Variants in EEFSEC observed in about 807,000 individuals in gnomAD.
The protein encoded by EEFSEC is selenocysteine-specific elongation factor.
In EEFSEC, 43 loss-of-function variants were observed where a neutral mutation model predicts 42.1. The ratio of observed to expected loss-of-function variants is 1.02; its 90% CI spans 0.80 to 1.32. The LOEUF is 1.32. Among genes scored for constraint, EEFSEC ranks in the 40% most tolerant of loss-of-function variants. The pLI, the probability that EEFSEC is intolerant of heterozygous loss-of-function variation, is 0.00. For missense variants in EEFSEC, 745 were observed against 803.6 expected (o/e 0.93, Z 0.88); for synonymous variants, 354 against 339.1 (o/e 1.04, Z -0.48).
chr3:128,240,129 C>T (rs1553745773), intron 1 of EEFSEC, among the ~76,000 whole-genome samples: 1 of 152,226 alleles, frequency 6.6e-6, no homozygotes, highest in Non-Finnish European at 1.5e-5. Context: ...TGACCGCCCT[C>T]CTTCTCTCCT....
Position 128,358,201 on chromosome 3 carries a change from G to C in EEFSEC, c.1444-16G>C, listed in dbSNP as rs1464103967. 4 of 1,612,760 alleles carry C rather than the reference G, an allele frequency of 2.5e-6. No individual in the cohort carries two copies. In the South Asian group the frequency reaches 4.4e-5, roughly 18 times the overall value. On this transcript the variant is annotated splice_polypyrimidine_tract_variant and intron_variant, in intron 5 of 6. Coordinates refer to ENST00000254730, the MANE Select transcript of EEFSEC (RefSeq NM_021937.5). Reference sequence around the variant, plus strand: ...CCACTAATGCCCTCTCTCTGTGGCTGGGTGTGTGGGGACAGGCGATGGATG... The same window carrying C: ...CCACTAATGCCCTCTCTCTGTGGCTCGGTGTGTGGGGACAGGCGATGGATG...
intron 4 of EEFSEC, among the ~76,000 whole-genome samples, chr3:128,285,449 G>T (rs1437911607): frequency 3.9e-5 from 6 of 152,284 alleles, no homozygotes; most frequent in Admixed American, 3.9e-4. Flanking sequence ...TGGCTGGGCA[G>T]CAGGGACAGG....
intron 4 of EEFSEC, among the ~76,000 whole-genome samples, chr3:128,278,088 C>T (rs1398632230): frequency 1.3e-5 from 2 of 152,116 alleles, no homozygotes; most frequent in South Asian, 2.1e-4. Context: ...ATTCTTATGA[C>T]GCAGCTGGTT....
the EEFSEC span, among the ~76,000 whole-genome samples, chr3:128,419,457 A>T: frequency 6.6e-6 from 1 of 152,240 alleles, no homozygotes; most frequent in Admixed American, 6.5e-5. Context: ...CCACAAAGTG[A>T]TACTGTGTGT....
chr3:128,232,812 T>A (rs898990830), intron 1 of EEFSEC, among the ~76,000 whole-genome samples: 1 of 152,192 alleles, frequency 6.6e-6, no homozygotes, highest in Non-Finnish European at 1.5e-5. Context: ...ACTCCCTGGT[T>A]AGGTTGGGAG....
chr3:128,272,111 G>T (rs2066419663), intron 4 of EEFSEC, among the ~76,000 whole-genome samples: 1 of 152,214 alleles, frequency 6.6e-6, no homozygotes, highest in Non-Finnish European at 1.5e-5. Context: ...TCCAGAACTG[G>T]CTCTGCCCTG....
intron 1 of EEFSEC, among the ~76,000 whole-genome samples, chr3:128,183,882 G>A (rs1379748017): frequency 6.6e-6 from 1 of 152,186 alleles, no homozygotes; most frequent in African/African-American, 2.4e-5. Context: ...TTGGGTGAGT[G>A]TGGGCACAGT....
At chr3:128,402,185 G>A (rs1342290311) in intron 6 of EEFSEC, among the ~76,000 whole-genome samples, 1 of 152,232 alleles carries the variant, frequency 6.6e-6, no homozygotes, top group Non-Finnish European at 1.5e-5. Context: ...GAAGAAAGAA[G>A]GAACAGTGCT....
intron 2 of EEFSEC, among the ~76,000 whole-genome samples, chr3:128,251,808 CTT>C (rs2066190075): frequency 1.3e-5 from 2 of 152,198 alleles, no homozygotes; most frequent in Non-Finnish European, 1.5e-5. Flanking sequence ...TAGTCAAACT[CTT>C]TGTTCTTCTT....
At chr3:128,172,273 A>C (rs958561613) in intron 1 of EEFSEC, among the ~76,000 whole-genome samples, 2 of 152,232 alleles carry the variant, frequency 1.3e-5, no homozygotes, top group African/African-American at 2.4e-5. Context: ...GGCCCAGCAC[A>C]TTAAGGACAT....
intron 1 of EEFSEC, among the ~76,000 whole-genome samples, chr3:128,235,924 C>T (rs1451739066): frequency 6.6e-6 from 1 of 151,492 alleles, no homozygotes; most frequent in East Asian, 2.0e-4. Context: ...TCTGTCTCCC[C>T]TGTGTGGATG....
At position 128,246,995 on chromosome 3, in the gene EEFSEC, C is replaced by G. The variant is rs769526182; in HGVS notation, c.476C>G (p.Ala159Gly). 1.9e-6 allele frequency: 3 copies of G among 1,614,096 alleles called. No individual in the cohort carries two copies. In the South Asian group the frequency reaches 3.3e-5, roughly 18 times the overall value. The change falls in exon 2 of 7, where the codon GCA becomes GGA. Residue 159 changes from alanine to glycine, a missense_variant. Physicochemically the swap from Ala to Gly is moderately conservative, Grantham distance 60. Transcript: ENST00000254730. ...DLLPEGKRQA[A>G]IDKMTKKMQK... ...TTACCTGAAGGAAAGAGACAGGCAGCAATTGATAAAATGACCAAGAAAATG... is the reference window on the plus strand; with the variant it reads ...TTACCTGAAGGAAAGAGACAGGCAGGAATTGATAAAATGACCAAGAAAATG...
chr3:128,417,244 G>A, the EEFSEC span, among the ~76,000 whole-genome samples: 3 of 152,056 alleles, frequency 2.0e-5, no homozygotes, highest in East Asian at 1.9e-4. This position sits in a 1 kb window ranked among gnomAD's most constrained non-coding sequence, Gnocchi z 4.3. Context: ...CCTTCCTCAG[G>A]GCAATTGCCA....
intron 4 of EEFSEC, among the ~76,000 whole-genome samples, chr3:128,292,232 AT>A (rs1443262755): frequency 2.0e-5 from 3 of 151,882 alleles, no homozygotes; most frequent in Non-Finnish European, 4.4e-5. Context: ...ACATTTTAGC[AT>A]TTTTTAATTC....
chr3:128,243,002 G>C (rs1041185139), intron 1 of EEFSEC, among the ~76,000 whole-genome samples: 4 of 152,194 alleles, frequency 2.6e-5, no homozygotes, highest in African/African-American at 7.2e-5. Flanking sequence ...GGCAAGACGG[G>C]CCAGTTGTGT....
intron 6 of EEFSEC, among the ~76,000 whole-genome samples, chr3:128,389,222 A>C (rs1022273929): frequency 2.0e-5 from 3 of 152,228 alleles, no homozygotes; most frequent in African/African-American, 7.2e-5. Context: ...AAGGGTGCTG[A>C]CACTCACCCG....
rs147478754 is a variant in EEFSEC, at chr3:128,203,597, A to G, written c.317-43239A>G. ...AAGTAAATCATCTGCTGCAGGTGAC[A>G]TGAGTAGGGGCAGAAACGAGGCTGG... On this transcript the variant is annotated intron_variant, in intron 1 of 6. Transcript: ENST00000254730. 6.2e-4 allele frequency among the ~76,000 whole-genome samples: 94 copies of G among 152,306 alleles called. 1 individual carries two copies. The highest frequency in any genetic ancestry group is 7.9e-4 in the Non-Finnish European group (54 of 68,014).
intron 4 of EEFSEC, among the ~76,000 whole-genome samples, chr3:128,274,391 C>T (rs1331508118): frequency 6.6e-6 from 1 of 152,254 alleles, no homozygotes; most frequent in East Asian, 1.9e-4. Context: ...CAGGAAGCCT[C>T]AGCCCCTGCA....
chr3:128,394,100 C>T (rs912404829), intron 6 of EEFSEC, among the ~76,000 whole-genome samples: 3 of 152,176 alleles, frequency 2.0e-5, no homozygotes. Flanking sequence ...GATCTGCCTC[C>T]GAGGGACAGT....
Sources: gnomAD v4.1 joint callset for allele counts (sites outside exome capture counted in the v4.1 genomes callset) on GRCh38, gnomAD v4.1.1 for gene constraint, Gnocchi (gnomAD v3.1) non-coding constraint, MANE v1.5 for transcripts, NCBI Gene and HGNC (gene_info 2026-07-23, HGNC 2026-07-21) for gene names.